Variants in DAAM2 observed in about 807,000 individuals in gnomAD.
DAAM2 encodes disheveled-associated activator of morphogenesis 2.
DAAM2 carries 39 observed loss-of-function variants against 120.7 expected under a neutral mutation model. That is an observed-to-expected ratio of 0.32 (90% confidence interval 0.25 to 0.42). The LOEUF is 0.42. DAAM2 is among the 10% of genes least tolerant of loss of function. DAAM2 has a pLI of 1.00. For synonymous variants in DAAM2, 488 were observed against 524.9 expected, an observed-to-expected ratio of 0.93 and a Z score of 0.96; for missense variants, 1,283 against 1,401.7, an observed-to-expected ratio of 0.92 and a Z score of 1.35.
chr6:39,900,015 ACCCCTGCAC>A (rs1766378048), intron 22 of DAAM2, 53 bp from the exon 23 acceptor site: 2 of 1,535,912 alleles, frequency 1.3e-6, no homozygotes, highest in African/African-American at 2.7e-5. Flanking sequence ...AGATGTGGTG[ACCCCTGCAC>A]CCGACTCTCA....
At chr6:39,819,016 T>A (rs1475547267) in intron 1 of DAAM2, 2 of 152,218 alleles carry the variant, frequency 1.3e-5, no homozygotes, top group Non-Finnish European at 2.9e-5. Flanking sequence ...CTCAGGGATG[T>A]ATAACAGGGT....
chr6:39,878,517 C>T lies in DAAM2; in HGVS notation c.1474C>T (p.Arg492Trp), dbSNP rs371661111. The T allele has an allele frequency of 4.5e-5, 72 of 1,610,222 alleles. No homozygotes were observed. In the East Asian group the frequency reaches 6.5e-4, roughly 15 times the overall value. Residue 492 changes from arginine to tryptophan, a missense_variant, in exon 13 of 25, where the codon CGG becomes TGG. By Grantham distance (101) the Arg-to-Trp change is moderately radical (BLOSUM62 -3). Around this residue, in one of 3 missense-constraint regions of DAAM2, gnomAD observed 748 missense variants for 768.6 expected, o/e 0.97. Coordinates refer to ENST00000274867, the MANE Select transcript of DAAM2 (RefSeq NM_001201427.2). This position sits in a 1 kb window ranked among gnomAD's most constrained non-coding sequence, Gnocchi z 5.0. The part of the protein sequence containing the change: ...TLNKMKDKLA[R>W]ESQELRQARG... ...GAACAAAATGAAGGACAAGCTGGCC[C>T]GGGAGTCCCAGGAGCTGCGCCAGGC...
At chr6:39,895,227 C>CTTATTTATTTACTTAT (rs1554185315) in intron 19 of DAAM2, among the ~76,000 whole-genome samples, 2 of 137,652 alleles carry the variant, frequency 1.5e-5, no homozygotes, top group Non-Finnish European at 3.0e-5. Flanking sequence ...ACTTTATTTA[C>CTTATTTATTTACTTAT]TTATTTATTT....
rs138828938 is a variant in DAAM2, at chr6:39,858,154, G to T, written c.168+1684G>T. ...CAGAAAGGAGCTGGGTCCTTTTGGG[G>T]TACACAATGAAGACCAGAAGAACTA... On this transcript the variant is annotated intron_variant, in intron 2 of 24. Transcript: ENST00000274867. Among the ~76,000 whole-genome samples, 563 of 152,210 alleles carry T rather than the reference G, an allele frequency of 3.7e-3. 3 individuals carry two copies. The highest frequency in any genetic ancestry group is 0.013 in the African/African-American group (544 of 41,520).
At chr6:39,821,920 G>A (rs1762502336) in intron 1 of DAAM2, 1 of 152,354 alleles carries the variant, frequency 6.6e-6, no homozygotes. Flanking sequence ...TATAGGGTCA[G>A]GGGACAGACC....
intron 11 of DAAM2, among the ~76,000 whole-genome samples, chr6:39,876,703 A>G (rs951573630): frequency 7.1e-5 from 9 of 127,342 alleles, no homozygotes; most frequent in African/African-American, 2.7e-4. Context: ...CTGGAATGGG[A>G]AGGGTGTGTG....
At chr6:39,837,942 A>ACTCT (rs1353875007) in intron 1 of DAAM2, among the ~76,000 whole-genome samples, 2 of 151,992 alleles carry the variant, frequency 1.3e-5, no homozygotes, top group African/African-American at 4.8e-5. Flanking sequence ...TCAGCCTTAC[A>ACTCT]CTCTCCCTGT....
At position 39,867,700 on chromosome 6, in the gene DAAM2, A is replaced by G. The variant is rs1764487870; in HGVS notation, c.619A>G (p.Ser207Gly). Reference protein sequence around the residue: ...QPEAISTIAQSLRTENSKTKV... With the variant: ...QPEAISTIAQGLRTENSKTKV... ...TGAGGCCATTAGTACCATAGCCCAG[A>G]GCCTACGCACAGAGAACAGCAAGAC... The change falls in exon 6 of 25, where the codon AGC becomes GGC. Residue 207 changes from serine (S) to glycine (G), a missense_variant. Ser to Gly is a moderately conservative substitution (Grantham distance 56, BLOSUM62 0). Coordinates refer to ENST00000274867, the MANE Select transcript of DAAM2 (RefSeq NM_001201427.2). 1 of 1,614,068 alleles carries G rather than the reference A, an allele frequency of 6.2e-7. No homozygotes were observed. Among genetic ancestry groups the G allele is most frequent in the South Asian group, 1.1e-5 (1 of 91,086 alleles).
rs558816488 is a variant in DAAM2, at chr6:39,869,311, G to A, written c.873+378G>A. On this transcript the variant is annotated intron_variant, in intron 7 of 24. Coordinates refer to ENST00000274867, the MANE Select transcript of DAAM2 (RefSeq NM_001201427.2). ...GTATAAAAATAGCAACAGGCTGGGC[G>A]TGGTGGCTCATGCCTGTAATCCCAG... Among the ~76,000 whole-genome samples, 72 of 152,276 alleles carry A rather than the reference G, an allele frequency of 4.7e-4. 1 individual carries two copies. The highest frequency in any genetic ancestry group is 9.4e-4 in the Non-Finnish European group (64 of 68,018).
intron 1 of DAAM2, among the ~76,000 whole-genome samples, chr6:39,831,700 G>A (rs952969935): frequency 5.4e-5 from 8 of 148,194 alleles, no homozygotes; most frequent in Admixed American, 4.1e-4. Flanking sequence ...GTGGCCTGGG[G>A]GGTAGGCACG....
chr6:39,811,936 A>G (rs564451966), intron 1 of DAAM2, among the ~76,000 whole-genome samples: 330 of 152,300 alleles, frequency 2.2e-3, no homozygotes, highest in Admixed American at 3.5e-3. Context: ...CTGAGGATGC[A>G]GGGCCCCTGT....
chr6:39,857,638 T>A (rs1343209498), intron 2 of DAAM2, among the ~76,000 whole-genome samples: 1 of 152,220 alleles, frequency 6.6e-6, no homozygotes, highest in Non-Finnish European at 1.5e-5. Flanking sequence ...ATAGGCAGTG[T>A]TCCTTTCTTT....
rs181858952 is a variant in DAAM2, at chr6:39,798,672, A to G, written c.-57+6207A>G. Among the ~76,000 whole-genome samples, 332 of 152,204 alleles carry G rather than the reference A, an allele frequency of 2.2e-3. 2 individuals carry two copies. The highest frequency in any genetic ancestry group is 7.4e-3 in the African/African-American group (308 of 41,520). On this transcript the variant is annotated intron_variant, in intron 1 of 24. Coordinates refer to ENST00000274867, the MANE Select transcript of DAAM2 (RefSeq NM_001201427.2). ...GTTAACTTAAGTTTCATTGCACCAAATCTAGTCTCAAGAACAGTGCACCTG... is the reference window on the plus strand; with the variant it reads ...GTTAACTTAAGTTTCATTGCACCAAGTCTAGTCTCAAGAACAGTGCACCTG...
At chr6:39,837,790 G>A (rs1207186830) in intron 1 of DAAM2, among the ~76,000 whole-genome samples, 1 of 151,252 alleles carries the variant, frequency 6.6e-6, no homozygotes, top group Non-Finnish European at 1.5e-5. Flanking sequence ...AAATTTTTAT[G>A]TATGGCCCCT....
At chr6:39,819,912 A>G (rs1278195810) in intron 1 of DAAM2, 2 of 152,264 alleles carry the variant, frequency 1.3e-5, no homozygotes, top group Admixed American at 6.5e-5. Context: ...CCGCCTACAC[A>G]TAGCATCAGA....
At chr6:39,869,938 G>A (rs1456877407) in intron 7 of DAAM2, among the ~76,000 whole-genome samples, 1 of 151,976 alleles carries the variant, frequency 6.6e-6, no homozygotes, top group East Asian at 1.9e-4. Flanking sequence ...ATTATAACAA[G>A]TGTCATCCCT....
At chr6:39,830,902 C>G (rs1343119820) in intron 1 of DAAM2, among the ~76,000 whole-genome samples, 1 of 152,194 alleles carries the variant, frequency 6.6e-6, no homozygotes, top group Admixed American at 6.5e-5. Context: ...CAGGCCCTTC[C>G]TCCATCAGGC....
At chr6:39,809,330 C>A (rs1394184138) in intron 1 of DAAM2, among the ~76,000 whole-genome samples, 1 of 152,170 alleles carries the variant, frequency 6.6e-6, no homozygotes, top group Non-Finnish European at 1.5e-5. Flanking sequence ...TTACCTAGTT[C>A]ATTGCTCTTC....
rs1765237745 is a variant in DAAM2, at chr6:39,883,666, A to AC, written c.1846-291dup. 3.5e-5 allele frequency: 11 copies of AC among 316,256 alleles called. No homozygotes were observed. In the South Asian group the frequency reaches 7.7e-4, roughly 22 times the overall value. The allele number at this position is 316,256 out of a possible 1,614,324, so 19.6% of individuals were successfully genotyped here. On this transcript the variant is annotated intron_variant, in intron 14 of 24. Transcript: ENST00000274867. ...TTTGCTTTTGGAAAAAGTGAAGTGG[A>AC]CCCCCTTTCCTACTGCCTACCCATC...
Sources: allele counts gnomAD v4.1 joint callset (sites outside exome capture counted in the v4.1 genomes callset), GRCh38; gene constraint gnomAD v4.1.1; regional missense constraint gnomAD v4.1.1; non-coding constraint Gnocchi (gnomAD v3.1); transcripts MANE v1.5; gene names NCBI Gene and HGNC (gene_info 2026-07-23, HGNC 2026-07-21).